Variants in CACNB2 observed in about 807,000 individuals in gnomAD.
CACNB2 encodes the protein calcium voltage-gated channel auxiliary subunit beta 2.
Under a neutral mutation model 73.3 loss-of-function variants are expected in CACNB2, and 42 were observed. That is an observed-to-expected ratio of 0.57 (90% CI 0.45 to 0.74). CACNB2 has a LOEUF of 0.74. Ranked by LOEUF, CACNB2 falls within the 30% of genes least tolerant of loss-of-function variation. The probability of loss-of-function intolerance (pLI) is 0.00; values close to 1 mark genes in which losing one functional copy is unlikely to be tolerated. For missense variants in CACNB2, 940 were observed against 853.0 expected (o/e 1.10, Z -1.27); for synonymous variants, 348 against 310.3 (o/e 1.12, Z -1.28).
intron 2 of CACNB2, among the ~76,000 whole-genome samples, chr10:18,282,559 G>A (rs11013319): frequency 0.42 from 63,649 of 152,062 alleles, 15,483 homozygotes; most frequent in East Asian, 0.85. Flanking sequence ...CAGATTGTTA[G>A]GAAGACTTAT....
At chr10:18,426,175 T>G (rs117605949) in intron 3 of CACNB2, among the ~76,000 whole-genome samples, 1,916 of 152,284 alleles carry the variant, frequency 0.013, 16 homozygotes, top group Middle Eastern at 0.02. Flanking sequence ...TTGTTTGGGG[T>G]TGCATTTAAG....
chr10:18,528,982 G>A (rs1418950354), intron 10 of CACNB2, among the ~76,000 whole-genome samples: 1 of 152,002 alleles, frequency 6.6e-6, no homozygotes, highest in Non-Finnish European at 1.5e-5. Context: ...TGGGACTACA[G>A]GCACATGCCA....
intron 3 of CACNB2, among the ~76,000 whole-genome samples, chr10:18,402,776 G>A (rs915300311): frequency 4.6e-5 from 7 of 152,172 alleles, no homozygotes; most frequent in African/African-American, 9.7e-5. Flanking sequence ...GTTGAAGGTG[G>A]CTTGGTTTGT....
intron 2 of CACNB2, among the ~76,000 whole-genome samples, chr10:18,187,692 A>C (rs1251051297): frequency 2.0e-5 from 3 of 152,232 alleles, no homozygotes. Context: ...TTTTTAATCT[A>C]ATAAAATGAA....
At chr10:18,290,106 C>CTTTTTT (rs2038998237) in intron 2 of CACNB2, among the ~76,000 whole-genome samples, 4 of 40,088 alleles carry the variant, frequency 1.0e-4, no homozygotes, top group South Asian at 8.3e-4. Flanking sequence ...TTTCTTTTTT[C>CTTTTTT]TTTTTCTTTT....
intron 2 of CACNB2, among the ~76,000 whole-genome samples, chr10:18,332,983 G>T (rs1308167536): frequency 1.3e-5 from 2 of 152,128 alleles, no homozygotes; most frequent in African/African-American, 4.8e-5. Context: ...GATCTATGGG[G>T]TTGGGGAGTA....
At chr10:18,278,131 T>C (rs2038378322) in intron 2 of CACNB2, among the ~76,000 whole-genome samples, 1 of 152,208 alleles carries the variant, frequency 6.6e-6, no homozygotes, top group African/African-American at 2.4e-5. Flanking sequence ...TTAAGATTAA[T>C]TATATAACTG....
At chr10:18,275,573 A>ACCTGCACAT (rs1160780549) in intron 2 of CACNB2, among the ~76,000 whole-genome samples, 1 of 152,176 alleles carries the variant, frequency 6.6e-6, no homozygotes, top group Non-Finnish European at 1.5e-5. Context: ...TATGTAATGA[A>ACCTGCACAT]CCTGCACATC....
At chr10:18,353,132 C>T (rs942087030) in intron 2 of CACNB2, among the ~76,000 whole-genome samples, 1 of 152,118 alleles carries the variant, frequency 6.6e-6, no homozygotes, top group African/African-American at 2.4e-5. Context: ...TGGTTCTATG[C>T]CAGGTGCGGT....
intron 2 of CACNB2, among the ~76,000 whole-genome samples, chr10:18,373,038 A>C (rs2042652919): frequency 6.6e-6 from 1 of 151,722 alleles, no homozygotes; most frequent in African/African-American, 2.4e-5. Flanking sequence ...CAGGTCTGAA[A>C]CTCGTGGCCT....
chr10:18,261,977 A>G (rs771062737), intron 2 of CACNB2: 3 of 518,892 alleles, frequency 5.8e-6, no homozygotes, highest in South Asian at 1.4e-5. Context: ...GCTGTGCCTT[A>G]CACTAGCCGA....
In CACNB2 at chr10:18,239,298, C is replaced by T. The variant is rs952006973; in HGVS notation, c.213+88323C>T. 3.9e-5 allele frequency among the ~76,000 whole-genome samples: 6 copies of T among 152,126 alleles called. No homozygotes were observed. In the East Asian group the frequency reaches 5.8e-4, roughly 15 times the overall value. ...GCATTATACCAGTTAGGTCATTTCT[C>T]ATCCCTAACCTCCCTCCCACCTTTC... On this transcript the variant is annotated intron_variant, in intron 2 of 13. Transcript: ENST00000324631.
chr10:18,243,261 A>G (rs1369143235), intron 2 of CACNB2, among the ~76,000 whole-genome samples: 1 of 152,166 alleles, frequency 6.6e-6, no homozygotes, highest in Non-Finnish European at 1.5e-5. Flanking sequence ...TTGATCAAGA[A>G]TAAATACAAA....
At chr10:18,220,232 TAGAG>T (rs1169176468) in intron 2 of CACNB2, among the ~76,000 whole-genome samples, 1,046 of 24,856 alleles carry the variant, frequency 0.042, 24 homozygotes, top group Non-Finnish European at 0.045. Flanking sequence ...TATATATATA[TAGAG>T]AGAGAGAGAG....
At chr10:18,142,684 G>C (rs1314965411) in intron 1 of CACNB2, among the ~76,000 whole-genome samples, 1 of 152,208 alleles carries the variant, frequency 6.6e-6, no homozygotes, top group Non-Finnish European at 1.5e-5. Flanking sequence ...ACTGCATTCA[G>C]ATAAGAGATA....
chr10:18,493,019 TA>T (rs201914909), intron 3 of CACNB2, among the ~76,000 whole-genome samples: 14 of 151,788 alleles, frequency 9.2e-5, no homozygotes, highest in African/African-American at 2.4e-4. Flanking sequence ...TTGAAAATGT[TA>T]AAAAAAAATT....
chr10:18,426,394 G>T (rs902651606), intron 3 of CACNB2, among the ~76,000 whole-genome samples: 1 of 152,164 alleles, frequency 6.6e-6, no homozygotes, highest in Non-Finnish European at 1.5e-5. Flanking sequence ...TACAGTTTCT[G>T]TTGGCTAATA....
Position 18,401,934 on chromosome 10 carries a change from A to T in CACNB2, c.224A>T (p.Asp75Val), listed in dbSNP as rs1352948215. 6.2e-7 allele frequency: 1 copy of T among 1,613,988 alleles called. No homozygotes were observed. Among genetic ancestry groups the T allele is most frequent in the East Asian group, 2.2e-5 (1 of 44,878 alleles). ...CATTTTCCTCTCCAGGGTTCGGCAG[A>T]CTCCTACACTAGCCGTCCATCCGAT... ...SNSFVRQGSA[D>V]SYTSRPSDSD... Residue 75 changes from aspartate to valine, a missense_variant, in exon 3 of 14, where the codon GAC becomes GTC. Asp to Val is a radical substitution (Grantham distance 152, BLOSUM62 -3). Transcript: ENST00000324631.
intron 2 of CACNB2, among the ~76,000 whole-genome samples, chr10:18,377,769 A>G (rs942624593): frequency 3.9e-5 from 6 of 152,186 alleles, no homozygotes; most frequent in African/African-American, 1.4e-4. Context: ...TGCTTTCTCC[A>G]CAAGCCTGGT....
Sources: gnomAD v4.1 joint callset for allele counts (sites outside exome capture counted in the v4.1 genomes callset) on GRCh38, gnomAD v4.1.1 for gene constraint, MANE v1.5 for transcripts, NCBI Gene and HGNC (gene_info 2026-07-23, HGNC 2026-07-21) for gene names.